Variants in DNAI4 observed in about 807,000 individuals in gnomAD.
The protein encoded by DNAI4 is dynein axonemal intermediate chain 4.
DNAI4 carries 85 observed loss-of-function variants against 105.8 expected under a neutral mutation model. The ratio of observed to expected loss-of-function variants is 0.80; its 90% CI spans 0.67 to 0.96. The LOEUF (loss-of-function observed/expected upper bound fraction) is 0.96. Ranked by LOEUF, DNAI4 falls within the 40% of genes least tolerant of loss-of-function variation. The pLI, the probability that DNAI4 is intolerant of heterozygous loss-of-function variation, is 0.00. For missense variants in DNAI4, 1,014 were observed against 1,005.6 expected (o/e 1.01, Z -0.11); for synonymous variants, 352 against 331.5 (o/e 1.06, Z -0.67).
At chr1:66,844,082 T>A (rs1413617481) in intron 8 of DNAI4, among the ~76,000 whole-genome samples, 1 of 8,130 alleles carries the variant, frequency 1.2e-4, no homozygotes, top group South Asian at 3.5e-3. Flanking sequence ...CAACTGGAGA[T>A]TCAAAAAAAA....
intron 8 of DNAI4, among the ~76,000 whole-genome samples, chr1:66,844,093 A>AAAAC (rs1184084014): frequency 1.5e-4 from 22 of 147,518 alleles, no homozygotes; most frequent in Admixed American, 6.2e-4. Context: ...TCAAAAAAAA[A>AAAAC]AAAAAAAAAA....
intron 1 of DNAI4, among the ~76,000 whole-genome samples, chr1:66,915,605 C>T (rs1257618534): frequency 6.6e-6 from 1 of 151,398 alleles, no homozygotes; most frequent in African/African-American, 2.4e-5. Context: ...TATTTATTTT[C>T]CAAAAAGTTT....
intron 3 of DNAI4, among the ~76,000 whole-genome samples, chr1:66,892,225 T>C (rs1015760694): frequency 5.3e-5 from 8 of 152,178 alleles, no homozygotes; most frequent in Non-Finnish European, 8.8e-5. Context: ...TATTGGAATA[T>C]CCTCCTTTAC....
At chr1:66,905,066 G>A (rs1260003182) in intron 2 of DNAI4, 135 bp downstream of exon 2, 3 of 656,328 alleles carry the variant, frequency 4.6e-6, no homozygotes, top group African/African-American at 1.8e-5. Context: ...AATAATATGT[G>A]GTAAAAATTA....
At chr1:66,891,871 T>C (rs1172652813) in intron 3 of DNAI4, among the ~76,000 whole-genome samples, 2 of 152,206 alleles carry the variant, frequency 1.3e-5, no homozygotes, top group Non-Finnish European at 1.5e-5. Context: ...ACCCAGCATA[T>C]TCATCTTCAT....
intron 6 of DNAI4, among the ~76,000 whole-genome samples, chr1:66,863,951 T>C (rs935514117): frequency 3.3e-5 from 5 of 152,234 alleles, no homozygotes; most frequent in African/African-American, 9.6e-5. Context: ...ACTTTCTTTT[T>C]CTTTTGTTTA....
intron 10 of DNAI4, among the ~76,000 whole-genome samples, chr1:66,836,539 T>G (rs568588395): frequency 6.6e-6 from 1 of 152,292 alleles, no homozygotes; most frequent in East Asian, 1.9e-4. Flanking sequence ...CAGAAAAAGT[T>G]CCAAAACTCC....
At chr1:66,850,792 T>C (rs1253262423) in intron 7 of DNAI4, among the ~76,000 whole-genome samples, 1 of 151,964 alleles carries the variant, frequency 6.6e-6, no homozygotes, top group Non-Finnish European at 1.5e-5. Flanking sequence ...ATCTATGGAC[T>C]ATTGTGTATG....
intron 7 of DNAI4, among the ~76,000 whole-genome samples, chr1:66,859,998 G>C (rs982089970): frequency 2.0e-5 from 3 of 151,986 alleles, no homozygotes; most frequent in African/African-American, 7.2e-5. Flanking sequence ...TATCAACATT[G>C]GTTCACCAAT....
rs543970041 is a variant in DNAI4, at chr1:66,913,589, A to T, written c.171-8214T>A. On this transcript the variant is annotated intron_variant, in intron 1 of 16. Transcript: ENST00000371026. ...GAAATCCCCAACAAAAATTAATTTTAAAAATGGCTTGCCCAGGAAATATAT... is the reference window on the plus strand; with the variant it reads ...GAAATCCCCAACAAAAATTAATTTTTAAAATGGCTTGCCCAGGAAATATAT... Among the ~76,000 whole-genome samples the T allele has an allele frequency of 5.8e-3, 880 of 152,266 alleles. 7 individuals are homozygous for T. The highest frequency in any genetic ancestry group is 0.02 in the African/African-American group (816 of 41,540).
At chr1:66,868,695 C>T (rs542032716) in intron 6 of DNAI4, among the ~76,000 whole-genome samples, 1 of 152,160 alleles carries the variant, frequency 6.6e-6, no homozygotes, top group East Asian at 1.9e-4. Context: ...CCCCAGTTTG[C>T]ACATGGCAGA....
At chr1:66,815,719 T>C (rs17129469) in intron 16 of DNAI4, among the ~76,000 whole-genome samples, 19,861 of 152,172 alleles carry the variant, frequency 0.13, 1,566 homozygotes, top group East Asian at 0.22. Context: ...GCTCAAGACA[T>C]AGACCACCAG....
intron 13 of DNAI4, among the ~76,000 whole-genome samples, chr1:66,830,359 G>A (rs1293988051): frequency 6.6e-6 from 1 of 152,140 alleles, no homozygotes; most frequent in Non-Finnish European, 1.5e-5. Context: ...AGGAATCACA[G>A]AGTGGTGTCA....
intron 1 of DNAI4, among the ~76,000 whole-genome samples, chr1:66,913,983 C>CA (rs530815410): frequency 0.062 from 4,150 of 66,978 alleles, 81 homozygotes; most frequent in African/African-American, 0.079. Flanking sequence ...AACTCCGTCT[C>CA]AAAAAAAAAA....
intron 16 of DNAI4, among the ~76,000 whole-genome samples, chr1:66,821,568 G>A (rs1257419894): frequency 2.0e-5 from 3 of 152,064 alleles, no homozygotes; most frequent in Admixed American, 2.0e-4. Context: ...TCTGATATGT[G>A]AGAATGCTAT....
chr1:66,847,809 T>G (rs1646310572), intron 7 of DNAI4, 131 bp from the exon 8 acceptor site: 1 of 709,120 alleles, frequency 1.4e-6, no homozygotes, highest in South Asian at 2.0e-5. Flanking sequence ...TAATAGACAT[T>G]TATTGAATAT....
chr1:66,820,553 T>C lies in DNAI4; in HGVS notation c.2496+1808A>G, dbSNP rs1330344528. ...TATAAATAAATTATGTTATAATGCA[T>C]ACATAAATTTATATATAAATAAATA... On this transcript the variant is annotated intron_variant, in intron 16 of 16. Coordinates refer to ENST00000371026, the MANE Select transcript of DNAI4 (RefSeq NM_024763.5). Among the ~76,000 whole-genome samples the C allele has an allele frequency of 3.3e-5, 5 of 151,998 alleles. No homozygotes were observed. The East Asian group carries it at 9.6e-4, about 29-fold the overall frequency.
intron 4 of DNAI4, among the ~76,000 whole-genome samples, chr1:66,875,483 C>T (rs1195327787): frequency 6.6e-6 from 1 of 152,066 alleles, no homozygotes; most frequent in Non-Finnish European, 1.5e-5. Context: ...GAACCAATGT[C>T]TATGCAAATA....
intron 13 of DNAI4, 84 bp downstream of exon 13, chr1:66,833,501 T>C: frequency 6.8e-7 from 1 of 1,460,812 alleles, no homozygotes; most frequent in Non-Finnish European, 9.3e-7. Flanking sequence ...AACAGGCTAA[T>C]ATTTGGTCTT....
Sources: allele counts gnomAD v4.1 joint callset (sites outside exome capture counted in the v4.1 genomes callset), GRCh38; gene constraint gnomAD v4.1.1; transcripts MANE v1.5; gene names NCBI Gene and HGNC (gene_info 2026-07-23, HGNC 2026-07-21).